Variants in AKNAD1 observed in about 807,000 individuals in gnomAD.
The protein encoded by AKNAD1 is AKNA domain containing 1.
Under a neutral mutation model 90.8 loss-of-function variants are expected in AKNAD1, and 67 were observed. The ratio of observed to expected loss-of-function variants is 0.74; its 90% CI spans 0.61 to 0.90. The LOEUF is 0.90. Among genes scored for constraint, AKNAD1 ranks in the 40% least tolerant of loss-of-function variants. The pLI, the probability that AKNAD1 is intolerant of heterozygous loss-of-function variation, is 0.00. For synonymous variants in AKNAD1, 327 were observed against 341.4 expected, an observed-to-expected ratio of 0.96 and a Z score of 0.46; for missense variants, 957 against 975.4, an observed-to-expected ratio of 0.98 and a Z score of 0.25.
At chr1:108,850,367 G>A (rs1321412807) in intron 2 of AKNAD1, among the ~76,000 whole-genome samples, 4 of 152,164 alleles carry the variant, frequency 2.6e-5, no homozygotes. Context: ...CCATACCAGA[G>A]GGAGAAGAGC....
At chr1:108,846,646 G>A (rs866024722) in intron 5 of AKNAD1, among the ~76,000 whole-genome samples, 24 of 151,872 alleles carry the variant, frequency 1.6e-4, no homozygotes, top group South Asian at 4.2e-4. Flanking sequence ...CATTTCCCTC[G>A]AGTCTCTCCT....
intron 10 of AKNAD1, among the ~76,000 whole-genome samples, 176 bp from the exon 11 acceptor site, chr1:108,827,478 A>G (rs1018472002): frequency 5.3e-5 from 8 of 151,590 alleles, no homozygotes; most frequent in African/African-American, 1.9e-4. Context: ...GAGCTTTTCT[A>G]CAAGAAATTG....
At chr1:108,846,538 G>T (rs1407944249) in intron 5 of AKNAD1, among the ~76,000 whole-genome samples, 1 of 151,978 alleles carries the variant, frequency 6.6e-6, no homozygotes, top group Non-Finnish European at 1.5e-5. Flanking sequence ...ATAACATCTT[G>T]ATTGCCAAAT....
intron 10 of AKNAD1, among the ~76,000 whole-genome samples, chr1:108,827,893 A>G (rs1024304494): frequency 6.6e-6 from 1 of 151,620 alleles, no homozygotes; most frequent in Admixed American, 6.6e-5. Flanking sequence ...TAATCATCAC[A>G]TACACATTCA....
chr1:108,820,108 C>T (rs1663765912), intron 14 of AKNAD1, among the ~76,000 whole-genome samples: 1 of 152,058 alleles, frequency 6.6e-6, no homozygotes, highest in Non-Finnish European at 1.5e-5. Context: ...CCTGAACTTG[C>T]CAAGTGCCTT....
In AKNAD1 at chr1:108,852,665, G is replaced by C. The variant is rs113017253; in HGVS notation, c.-1C>G. 6.4e-7 allele frequency: 1 copy of C among 1,571,074 alleles called. No individual in the cohort carries two copies. The highest frequency in any genetic ancestry group is 8.6e-7 in the Non-Finnish European group (1 of 1,160,832). On this transcript the variant is annotated 5_prime_UTR_variant, in exon 2 of 16. Coordinates refer to ENST00000370001, the MANE Select transcript of AKNAD1 (RefSeq NM_152763.5). ...GTTCTGAAAAATCAGCCTCATCCAT[G>C]TGTGTGCAGCCCGATCGCTCTCGTC...
At chr1:108,835,078 A>G in intron 7 of AKNAD1, 22 bp from the exon 8 acceptor site, 2 of 1,567,414 alleles carry the variant, frequency 1.3e-6, no homozygotes, top group Non-Finnish European at 1.7e-6. Flanking sequence ...ACACAGAAAG[A>G]CTTGAATTAG....
chr1:108,849,184 C>G, intron 3 of AKNAD1, 124 bp from the exon 4 acceptor site: 1 of 931,584 alleles, frequency 1.1e-6, no homozygotes. Flanking sequence ...TAATTTTTTT[C>G]AAAATATTTA....
upstream of AKNAD1, chr1:108,858,205 A>C (rs757815282): frequency 6.5e-6 from 1 of 152,682 alleles, no homozygotes; most frequent in Non-Finnish European, 1.5e-5. Flanking sequence ...GGAGCTTCAA[A>C]ATCATGGCGT....
chr1:108,852,403 C>G lies in AKNAD1; in HGVS notation c.262G>C (p.Glu88Gln), dbSNP rs375477243. The G allele has an allele frequency of 1.2e-5, 19 of 1,613,780 alleles. No individual in the cohort carries two copies. In the Admixed American group the frequency reaches 1.5e-4, roughly 13 times the overall value. ...TGAAGAGCTGCAGTGCATTGTTTCTCTTTCTCGTCTTTTTTGTTGGCAGCA... is the reference window on the plus strand; with the variant it reads ...TGAAGAGCTGCAGTGCATTGTTTCTGTTTCTCGTCTTTTTTGTTGGCAGCA... The part of the protein sequence containing the change: ...ENAANKKDEK[E>Q]KQCTAALHIP... The change falls in exon 2 of 16, where the codon GAG becomes CAG. Residue 88 changes from glutamate (E) to glutamine (Q), a missense_variant. Glu to Gln is a conservative substitution (Grantham distance 29, BLOSUM62 2). Transcript: ENST00000370001.
intron 14 of AKNAD1, among the ~76,000 whole-genome samples, chr1:108,817,975 C>A (rs1663675543): frequency 6.6e-6 from 1 of 152,162 alleles, no homozygotes; most frequent in Non-Finnish European, 1.5e-5. Context: ...GCTCCCCTTG[C>A]CTGCTACACT....
chr1:108,850,592 T>C (rs372174920), intron 2 of AKNAD1, among the ~76,000 whole-genome samples: 46 of 151,252 alleles, frequency 3.0e-4, no homozygotes, highest in African/African-American at 1.1e-3. Flanking sequence ...AGGCATTCAG[T>C]TGAAAGAGAG....
intron 11 of AKNAD1, among the ~76,000 whole-genome samples, chr1:108,823,932 T>C (rs7529592): frequency 0.078 from 11,899 of 152,268 alleles, 586 homozygotes; most frequent in Non-Finnish European, 0.11. Flanking sequence ...GTAGCATACA[T>C]ATTTAGGCTT....
rs550793125 is a variant in AKNAD1 at position 108,819,863 on chromosome 1, T to C, written c.2249+682A>G. 7.7e-4 allele frequency among the ~76,000 whole-genome samples: 110 copies of C among 142,124 alleles called. 1 individual carries two copies. The highest frequency in any genetic ancestry group is 1.5e-3 in the Non-Finnish European group (101 of 66,878). 93.2% of individuals were successfully genotyped at this position (142,124 alleles called of 152,430 possible). A position where few individuals can be genotyped will look rare whatever the true frequency, so the allele number is the denominator to read the frequency against. On this transcript the variant is annotated intron_variant, in intron 14 of 15. Transcript: ENST00000370001. ...CAGTGAGATATGATCACCACTGCACTCCATCCTGGGTGACAGAGGGAGACC... is the reference window on the plus strand; with the variant it reads ...CAGTGAGATATGATCACCACTGCACCCCATCCTGGGTGACAGAGGGAGACC...
At chr1:108,818,976 A>C (rs1475189086) in intron 14 of AKNAD1, among the ~76,000 whole-genome samples, 1 of 151,558 alleles carries the variant, frequency 6.6e-6, no homozygotes, top group African/African-American at 2.4e-5. Context: ...AAAAAAAAAA[A>C]AAAAACCAAG....
chr1:108,843,358 A>G (rs1664609288), intron 5 of AKNAD1, 91 bp from the exon 6 acceptor site: 1 of 1,483,958 alleles, frequency 6.7e-7, no homozygotes, highest in South Asian at 1.3e-5. Context: ...ACCCTACAGT[A>G]GTGTCAAAAC....
intron 9 of AKNAD1, among the ~76,000 whole-genome samples, chr1:108,832,055 CT>C (rs1193921487): frequency 6.6e-6 from 1 of 152,106 alleles, no homozygotes; most frequent in Non-Finnish European, 1.5e-5. Context: ...CCCTTATAGT[CT>C]CCTTAATACT....
At position 108,849,056 on chromosome 1, in the gene AKNAD1, T is replaced by C. The variant is rs745472305; in HGVS notation, c.1038A>G (p.Ile346Met). Residue 346 changes from isoleucine (I) to methionine (M), a missense_variant, in exon 4 of 16, where the codon ATA becomes ATG. Coordinates refer to ENST00000370001, the MANE Select transcript of AKNAD1 (RefSeq NM_152763.5). Reference protein sequence around the residue: ...VHIHQELLTGIESEASLSKLS... With the variant: ...VHIHQELLTGMESEASLSKLS... ...ACTTAGAGAGACTTGCCTCAGATTC[T>C]ATTCCTATACAAGAAAGAACACATT... The C allele has an allele frequency of 6.3e-7, 1 of 1,592,042 alleles. No individual in the cohort carries two copies. The highest frequency in any genetic ancestry group is 1.8e-5 in the Admixed American group (1 of 54,774).
At chr1:108,849,174 TA>T in intron 3 of AKNAD1, 114 bp from the exon 4 acceptor site, 3 of 1,012,428 alleles carry the variant, frequency 3.0e-6, no homozygotes, top group Non-Finnish European at 4.2e-6. Context: ...TTTTAAAATT[TA>T]ATTTTTTTCA....
Sources: gnomAD v4.1 joint callset for allele counts (sites outside exome capture counted in the v4.1 genomes callset) on GRCh38, gnomAD v4.1.1 for gene constraint, MANE v1.5 for transcripts, NCBI Gene and HGNC (gene_info 2026-07-23, HGNC 2026-07-21) for gene names.